ATP6V0D1: variants seen among roughly 807,000 people sequenced by gnomAD.
ATP6V0D1 encodes the protein ATPase H+ transporting V0 subunit d1, also known as V-type proton ATPase subunit d 1.
Under a neutral mutation model 39.0 loss-of-function variants are expected in ATP6V0D1, and 13 were observed. The observed-to-expected ratio is 0.33, with a 90% confidence interval of 0.22 to 0.53. ATP6V0D1 has a LOEUF of 0.53. Ranked by LOEUF, ATP6V0D1 falls within the 20% of genes least tolerant of loss-of-function variation. The pLI is 0.94. For missense variants in ATP6V0D1, 272 were observed against 470.9 expected, an observed-to-expected ratio of 0.58 and a Z score of 3.91; for synonymous variants, 191 against 191.2, an observed-to-expected ratio of 1.00 and a Z score of 0.01.
At position 67,439,332 on chromosome 16, in the gene ATP6V0D1, TAGA is replaced by T; in HGVS notation, c.578_580del (p.Phe193del). On this transcript the variant is annotated inframe_deletion, in exon 5 of 8. Coordinates refer to ENST00000290949, the MANE Select transcript of ATP6V0D1 (RefSeq NM_004691.5). ...CCCGCCCAGTAGGGTGCAGAACTTG[TAGA>T]AGGACTCCAGGTAGGCCTGTAGAGA... 2 of 1,614,074 alleles carry T rather than the reference TAGA, an allele frequency of 1.2e-6. No homozygotes were observed. The highest frequency in any genetic ancestry group is 1.7e-6 in the Non-Finnish European group (2 of 1,180,020).
intron 1 of ATP6V0D1, 80 bp downstream of exon 1, chr16:67,480,877 C>G (rs1353121867): frequency 1.3e-6 from 2 of 1,560,232 alleles, no homozygotes; most frequent in Admixed American, 1.9e-5. Context: ...AAGACCCCCC[C>G]TTCCGGCTTC....
rs956406663 is a variant in ATP6V0D1, at chr16:67,456,457, G to C, written c.131-2742C>G. The C allele has an allele frequency of 4.6e-5, 7 of 152,240 alleles. No individual in the cohort carries two copies. Among genetic ancestry groups the C allele is most frequent in the African/African-American group, 1.7e-4 (7 of 41,454 alleles). The allele number at this position is 152,240 out of a possible 1,614,324, so 9.4% of individuals were successfully genotyped here. ...TTTATCAAAGTCATGTTCATGCTCTGATTTTATATACTTGGGGTTCTGGCC... is the reference window on the plus strand; with the variant it reads ...TTTATCAAAGTCATGTTCATGCTCTCATTTTATATACTTGGGGTTCTGGCC... On this transcript the variant is annotated intron_variant, in intron 1 of 7. Coordinates refer to ENST00000290949, the MANE Select transcript of ATP6V0D1 (RefSeq NM_004691.5). This position sits in a 1 kb window ranked among gnomAD's most constrained non-coding sequence, Gnocchi z 4.1.
chr16:67,449,257 G>T (rs1279911592), intron 2 of ATP6V0D1, among the ~76,000 whole-genome samples: 1 of 152,214 alleles, frequency 6.6e-6, no homozygotes, highest in Non-Finnish European at 1.5e-5. Context: ...CCTCCAGGGA[G>T]GCTCACTCAT....
At chr16:67,475,535 C>G (rs542059072) in intron 1 of ATP6V0D1, among the ~76,000 whole-genome samples, 6 of 152,290 alleles carry the variant, frequency 3.9e-5, no homozygotes, top group Admixed American at 1.3e-4. Flanking sequence ...TTTCCAGGAC[C>G]ACTAGCTCAC....
chr16:67,465,981 C>A (rs745778530), intron 1 of ATP6V0D1, among the ~76,000 whole-genome samples: 2 of 152,086 alleles, frequency 1.3e-5, no homozygotes, highest in Non-Finnish European at 2.9e-5. Flanking sequence ...GTGATCCTGG[C>A]GCACCCCCTT....
intron 1 of ATP6V0D1, among the ~76,000 whole-genome samples, chr16:67,478,466 T>C (rs2041434496): frequency 6.6e-6 from 1 of 151,916 alleles, no homozygotes; most frequent in African/African-American, 2.4e-5. Flanking sequence ...ACAAAAAAAT[T>C]AGCTGGGCAT....
chr16:67,481,103 G>A lies in ATP6V0D1; in HGVS notation c.-17C>T. ...GAACGACATGGCTGCTGCGGGAGCG[G>A]CGGGACCGGAGAACCAGGACCGGCC... On this transcript the variant is annotated 5_prime_UTR_variant, in exon 1 of 8. Coordinates refer to ENST00000290949, the MANE Select transcript of ATP6V0D1 (RefSeq NM_004691.5). 6.2e-7 allele frequency: 1 copy of A among 1,613,694 alleles called. No homozygotes were observed. The highest frequency in any genetic ancestry group is 1.1e-5 in the South Asian group (1 of 91,058).
intron 1 of ATP6V0D1, among the ~76,000 whole-genome samples, chr16:67,466,229 C>G (rs1479849842): frequency 2.0e-5 from 3 of 151,984 alleles, no homozygotes; most frequent in African/African-American, 7.3e-5. Context: ...GCCTGTAATC[C>G]CAGCACTTTG....
intron 6 of ATP6V0D1, 44 bp downstream of exon 6, chr16:67,438,927 G>A (rs1325165166): frequency 6.2e-7 from 1 of 1,613,472 alleles, no homozygotes; most frequent in East Asian, 2.2e-5. Flanking sequence ...GGGGTGCTTG[G>A]TGACAACACA....
chr16:67,442,861 G>A (rs2142299500), intron 4 of ATP6V0D1, among the ~76,000 whole-genome samples: 1 of 152,284 alleles, frequency 6.6e-6, no homozygotes, highest in Non-Finnish European at 1.5e-5. Flanking sequence ...CAGCGGTGGA[G>A]CACCAGCCAC....
At chr16:67,457,482 G>A in intron 1 of ATP6V0D1, 1 of 922,162 alleles carries the variant, frequency 1.1e-6, no homozygotes, top group Non-Finnish European at 1.5e-6. Flanking sequence ...AGATGAGCTG[G>A]CAGGTGGTGG....
At chr16:67,460,532 A>G (rs1173292073) in intron 1 of ATP6V0D1, among the ~76,000 whole-genome samples, 1 of 152,168 alleles carries the variant, frequency 6.6e-6, no homozygotes, top group African/African-American at 2.4e-5. Flanking sequence ...GGCCTGCAGC[A>G]CAGTATGAGT....
rs2041210684 is a variant in ATP6V0D1, at chr16:67,453,946, C to T, written c.131-231G>A. Among the ~76,000 whole-genome samples, 1 of 152,160 alleles carries T rather than the reference C, an allele frequency of 6.6e-6. No homozygotes were observed. ...ATCCAGCACATGGAGCCCCAAAGTTCGAGCATAAGAGGAACAGTTCCTCCC... is the reference window on the plus strand; with the variant it reads ...ATCCAGCACATGGAGCCCCAAAGTTTGAGCATAAGAGGAACAGTTCCTCCC... On this transcript the variant is annotated intron_variant, in intron 1 of 7. Coordinates refer to ENST00000290949, the MANE Select transcript of ATP6V0D1 (RefSeq NM_004691.5). This position sits in a 1 kb window ranked among gnomAD's most constrained non-coding sequence, Gnocchi z 4.1.
At chr16:67,478,811 G>A (rs1165371972) in intron 1 of ATP6V0D1, among the ~76,000 whole-genome samples, 1 of 152,078 alleles carries the variant, frequency 6.6e-6, no homozygotes, top group African/African-American at 2.4e-5. Flanking sequence ...ATGATAGAGG[G>A]TCCCCTGGGA....
chr16:67,477,025 TAAAAAAA>T (rs199765066), intron 1 of ATP6V0D1, among the ~76,000 whole-genome samples: 1 of 40,222 alleles, frequency 2.5e-5, no homozygotes, highest in South Asian at 7.7e-4. Flanking sequence ...TGTCTCAAAT[TAAAAAAA>T]AAAAAAAAAA....
At chr16:67,462,277 C>G (rs2041294698) in intron 1 of ATP6V0D1, among the ~76,000 whole-genome samples, 2 of 152,220 alleles carry the variant, frequency 1.3e-5, no homozygotes, top group Admixed American at 6.5e-5. Flanking sequence ...CAGCCTCACC[C>G]TGGGAGGTGG....
At chr16:67,455,763 C>T (rs1405333703) in intron 1 of ATP6V0D1, 1 of 152,262 alleles carries the variant, frequency 6.6e-6, no homozygotes, top group African/African-American at 2.4e-5. Flanking sequence ...CCCACATCCT[C>T]ACCACATCTA....
At chr16:67,442,274 A>G (rs185527090) in intron 4 of ATP6V0D1, among the ~76,000 whole-genome samples, 1 of 152,340 alleles carries the variant, frequency 6.6e-6, no homozygotes, top group Non-Finnish European at 1.5e-5. Flanking sequence ...CCCAATAGAC[A>G]GGTGAGGTCA....
chr16:67,480,416 G>C (rs1315887548), intron 1 of ATP6V0D1, among the ~76,000 whole-genome samples: 1 of 152,216 alleles, frequency 6.6e-6, no homozygotes, highest in South Asian at 2.1e-4. Flanking sequence ...GCCTTCAGGA[G>C]ATACTGCCCA....
Sources: gnomAD v4.1 joint callset for allele counts (sites outside exome capture counted in the v4.1 genomes callset) on GRCh38, gnomAD v4.1.1 for gene constraint, Gnocchi (gnomAD v3.1) non-coding constraint, MANE v1.5 for transcripts, NCBI Gene and HGNC (gene_info 2026-07-23, HGNC 2026-07-21) for gene names.